Variants in RASGRF1 observed in about 807,000 individuals in gnomAD.
RASGRF1 encodes the protein ras-specific guanine nucleotide-releasing factor 1.
A neutral mutation model predicts 138.7 loss-of-function variants in RASGRF1; 40 were observed. That is an observed-to-expected ratio of 0.29 (90% CI 0.22 to 0.38). The LOEUF (loss-of-function observed/expected upper bound fraction) is 0.38, where lower values mean the gene tolerates loss of function less well. RASGRF1 is among the 10% of genes least tolerant of loss of function. The probability of loss-of-function intolerance (pLI) is 1.00; values close to 1 mark genes in which losing one functional copy is unlikely to be tolerated. For synonymous variants in RASGRF1, 614 were observed against 663.2 expected, an observed-to-expected ratio of 0.93 and a Z score of 1.14; for missense variants, 1,108 against 1,650.4, an observed-to-expected ratio of 0.67 and a Z score of 5.69.
intron 4 of RASGRF1, among the ~76,000 whole-genome samples, chr15:79,047,574 C>G (rs1434996747): frequency 6.6e-6 from 1 of 152,216 alleles, no homozygotes; most frequent in Admixed American, 6.5e-5. Flanking sequence ...TAATCTCATA[C>G]TTAGCCCTCA....
In RASGRF1 at chr15:79,002,519, C is replaced by T. The variant is rs573776829; in HGVS notation, c.2450-732G>A. Among the ~76,000 whole-genome samples, 25 of 152,250 alleles carry T rather than the reference C, an allele frequency of 1.6e-4. No individual in the cohort carries two copies. The East Asian group carries it at 3.1e-3, about 19-fold the overall frequency. Reference sequence around the variant, plus strand: ...AAGAATGTCCACAGGCACATGCACACGCACACACATTTATACATAACAAAT... The same window carrying T: ...AAGAATGTCCACAGGCACATGCACATGCACACACATTTATACATAACAAAT... On this transcript the variant is annotated intron_variant, in intron 15 of 26. Transcript: ENST00000558480.
chr15:78,969,065 C>T (rs1167872832), intron 26 of RASGRF1, among the ~76,000 whole-genome samples: 1 of 152,176 alleles, frequency 6.6e-6, no homozygotes, highest in Admixed American at 6.5e-5. Flanking sequence ...ATCTCTCTCC[C>T]CCAAGAAACA....
chr15:79,059,964 TCACACACACACACACAC>T (rs1292920849), intron 2 of RASGRF1, among the ~76,000 whole-genome samples: 201 of 124,364 alleles, frequency 1.6e-3, no homozygotes, highest in Non-Finnish European at 3.2e-3. Context: ...ACTGATACAC[TCACACACACACACACAC>T]AGACACACAG....
intron 1 of RASGRF1, among the ~76,000 whole-genome samples, chr15:79,077,190 T>C (rs1196743034): frequency 3.3e-5 from 5 of 152,062 alleles, no homozygotes; most frequent in Non-Finnish European, 5.9e-5. Flanking sequence ...TTCCAGGGAG[T>C]CCATTTTGGG....
intron 19 of RASGRF1, among the ~76,000 whole-genome samples, chr15:78,996,479 G>T (rs1212043167): frequency 6.6e-6 from 1 of 151,968 alleles, no homozygotes; most frequent in Non-Finnish European, 1.5e-5. Flanking sequence ...GATCAGCCTG[G>T]CAGAAGGCAT....
At chr15:79,078,457 T>TTCCCAAGTCAGGGAATA (rs2141095402) in intron 1 of RASGRF1, among the ~76,000 whole-genome samples, 1 of 152,288 alleles carries the variant, frequency 6.6e-6, no homozygotes, top group Admixed American at 6.5e-5. Flanking sequence ...AAGCACATTA[T>TTCCCAAGTCAGGGAATA]TCCCAAGTCA....
intron 25 of RASGRF1, among the ~76,000 whole-genome samples, chr15:78,972,897 A>C (rs1182909999): frequency 4.6e-5 from 7 of 152,270 alleles, no homozygotes; most frequent in African/African-American, 1.7e-4. Flanking sequence ...CGATACGAAC[A>C]ATACGGATGG....
chr15:79,066,969 G>A (rs748762549), intron 1 of RASGRF1, among the ~76,000 whole-genome samples: 1 of 152,084 alleles, frequency 6.6e-6, no homozygotes, highest in Non-Finnish European at 1.5e-5. Flanking sequence ...GTGTGGCCTC[G>A]CTCTGACCCC....
At chr15:79,008,467 T>G (rs2056729668) in intron 13 of RASGRF1, among the ~76,000 whole-genome samples, 1 of 152,246 alleles carries the variant, frequency 6.6e-6, no homozygotes, top group Admixed American at 6.5e-5. Context: ...AGAAAACTCC[T>G]GATTTGGTTT....
intron 2 of RASGRF1, among the ~76,000 whole-genome samples, 167 bp from the exon 3 acceptor site, chr15:79,058,648 G>T (rs1171150123): frequency 6.6e-6 from 1 of 152,220 alleles, no homozygotes. Context: ...AGAGGTGGGG[G>T]CAGTCCAGGC....
intron 24 of RASGRF1, among the ~76,000 whole-genome samples, chr15:78,975,779 C>T (rs2055858783): frequency 6.6e-6 from 1 of 152,166 alleles, no homozygotes; most frequent in Admixed American, 6.5e-5. Context: ...CTCAGCTTCC[C>T]AAAGTGCTCA....
chr15:78,982,118 G>C (rs1478370051), intron 23 of RASGRF1, among the ~76,000 whole-genome samples: 4 of 152,192 alleles, frequency 2.6e-5, no homozygotes, highest in African/African-American at 9.7e-5. Context: ...ATGGGCCTCA[G>C]TGTCCCCATC....
rs545320199 is a variant in RASGRF1 at position 79,023,884 on chromosome 15, C to T, written c.1542+1430G>A. Among the ~76,000 whole-genome samples the T allele has an allele frequency of 3.3e-5, 5 of 152,094 alleles. No homozygotes were observed. The East Asian group carries it at 7.7e-4, about 23-fold the overall frequency. ...TGCCTTGGCCCTCAGCCAGTGGAGG[C>T]CCTCTACCCTGCCCTTCACACACAC... On this transcript the variant is annotated intron_variant, in intron 10 of 26. Coordinates refer to ENST00000558480, the MANE Select transcript of RASGRF1 (RefSeq NM_001145648.3).
chr15:79,058,701 G>A (rs775601197), intron 2 of RASGRF1, among the ~76,000 whole-genome samples: 26 of 152,174 alleles, frequency 1.7e-4, no homozygotes, highest in Non-Finnish European at 2.2e-4. Context: ...GCCCGAGTGC[G>A]AGCCTGATCC....
intron 5 of RASGRF1, among the ~76,000 whole-genome samples, chr15:79,037,266 G>T (rs1183145435): frequency 6.6e-6 from 1 of 151,990 alleles, no homozygotes; most frequent in African/African-American, 2.4e-5. Flanking sequence ...GTCAGGTCAG[G>T]GGACTCTCAG....
rs1292025255 is a variant in RASGRF1, at chr15:79,061,703, T to C, written c.383+2717A>G. On this transcript the variant is annotated intron_variant, in intron 2 of 26. Transcript: ENST00000558480. The stretch of plus-strand genomic sequence containing the variant: ...TACTATTTTGTGTCTGGCTCTTCAC[T>C]CAGCAAATTGATTTTGAGATTCTTC... 2.0e-5 allele frequency among the ~76,000 whole-genome samples: 3 copies of C among 152,134 alleles called. No individual in the cohort carries two copies. In the East Asian group the frequency reaches 5.8e-4, roughly 29 times the overall value.
Position 79,015,367 on chromosome 15 carries a change from A to G in RASGRF1, c.1786T>C (p.Phe596Leu). 1.2e-6 allele frequency: 2 copies of G among 1,614,096 alleles called. No individual in the cohort carries two copies. The highest frequency in any genetic ancestry group is 1.7e-6 in the Non-Finnish European group (2 of 1,179,948). The change falls in exon 13 of 27, where the codon TTT becomes CTT. Residue 596 changes from phenylalanine to leucine, a missense_variant. Physicochemically the swap from Phe to Leu is conservative, Grantham distance 22 (BLOSUM62 0). Transcript: ENST00000558480. ...ACAGTGACCTTGGAATTTTCTTCAA[A>G]TGCGTTCATCATGAGCCCATTGCAT... ...IRCNGLMMNA[F>L]EENSKVTVPQ...
chr15:78,998,751 C>G lies in RASGRF1; in HGVS notation c.2821G>C (p.Val941Leu). Residue 941 changes from valine to leucine, a missense_variant, in exon 18 of 27, where the codon GTG becomes CTG. By Grantham distance (32) the Val-to-Leu change is conservative. Coordinates refer to ENST00000558480, the MANE Select transcript of RASGRF1 (RefSeq NM_001145648.3). ...TGCTTGGACACCCAGTGGCGGAGCA[C>G]GTTCAAGACACGATTGGTGGCTGCT... is the stretch of plus-strand genomic sequence containing the variant. ...RRAATNRVLN[V>L]LRHWVSKHSQ... The G allele has an allele frequency of 6.2e-7, 1 of 1,614,130 alleles. No individual in the cohort carries two copies. The highest frequency in any genetic ancestry group is 2.2e-5 in the East Asian group (1 of 44,882).
intron 13 of RASGRF1, among the ~76,000 whole-genome samples, chr15:79,011,207 G>A (rs1420184510): frequency 2.0e-5 from 3 of 152,018 alleles, no homozygotes; most frequent in East Asian, 3.9e-4. Context: ...TGCCGGTCGC[G>A]TTACCGTGAT....
Sources: gnomAD v4.1 joint callset for allele counts (sites outside exome capture counted in the v4.1 genomes callset) on GRCh38, gnomAD v4.1.1 for gene constraint, MANE v1.5 for transcripts, NCBI Gene and HGNC (gene_info 2026-07-23, HGNC 2026-07-21) for gene names.